The following NDUFAF2 variants were observed in gnomAD, a reference collection of about 807,000 sequenced individuals.
NDUFAF2 encodes the protein NADH:ubiquinone oxidoreductase complex assembly factor 2, also known as NADH dehydrogenase [ubiquinone] 1 alpha subcomplex assembly factor 2.
Under a neutral mutation model 22.8 loss-of-function variants are expected in NDUFAF2, and 13 were observed. That is an observed-to-expected ratio of 0.57 (90% confidence interval 0.37 to 0.91). The LOEUF is 0.91. NDUFAF2 is among the 40% of genes least tolerant of loss of function. The probability of loss-of-function intolerance (pLI) is 0.01; values close to 1 mark genes in which losing one functional copy is unlikely to be tolerated. For missense variants in NDUFAF2, 162 were observed against 195.2 expected, an observed-to-expected ratio of 0.83 and a Z score of 1.01; for synonymous variants, 53 against 64.2, an observed-to-expected ratio of 0.83 and a Z score of 0.84.
At chr5:61,067,820 T>A (rs1475555347) in intron 1 of NDUFAF2, among the ~76,000 whole-genome samples, 1 of 152,216 alleles carries the variant, frequency 6.6e-6, no homozygotes, top group East Asian at 1.9e-4. Flanking sequence ...CTCCAGCACC[T>A]GTTGTTTCCT....
At chr5:61,024,200 A>G (rs1457429841) in intron 1 of NDUFAF2, among the ~76,000 whole-genome samples, 1 of 151,946 alleles carries the variant, frequency 6.6e-6, no homozygotes, top group African/African-American at 2.4e-5. Context: ...ATTTCTTTCT[A>G]TTTTAAGGAT....
At chr5:61,127,035 G>C (rs1043065424) in intron 3 of NDUFAF2, among the ~76,000 whole-genome samples, 3 of 152,132 alleles carry the variant, frequency 2.0e-5, no homozygotes, top group Non-Finnish European at 4.4e-5. Flanking sequence ...AGAAAATCTA[G>C]AAGAAATGGA....
chr5:61,104,243 A>C (rs1752734660), intron 3 of NDUFAF2, among the ~76,000 whole-genome samples: 1 of 152,128 alleles, frequency 6.6e-6, no homozygotes, highest in African/African-American at 2.4e-5. Flanking sequence ...TCCTAGTCCT[A>C]ACTCTATTCC....
At chr5:60,987,741 T>C (rs1410487409) in intron 1 of NDUFAF2, among the ~76,000 whole-genome samples, 1 of 152,196 alleles carries the variant, frequency 6.6e-6, no homozygotes, top group Non-Finnish European at 1.5e-5. Context: ...CATCCTTTCA[T>C]GTTAAAAACT....
At chr5:61,129,876 T>A (rs529292306) in intron 3 of NDUFAF2, among the ~76,000 whole-genome samples, 1 of 152,182 alleles carries the variant, frequency 6.6e-6, no homozygotes, top group Non-Finnish European at 1.5e-5. Context: ...AACCCAGCTT[T>A]TTGTTCAACC....
At chr5:61,006,649 G>A (rs1751370494) in intron 1 of NDUFAF2, among the ~76,000 whole-genome samples, 2 of 152,032 alleles carry the variant, frequency 1.3e-5, no homozygotes. Flanking sequence ...CCTTGAAGAG[G>A]TCCTTCACAT....
At chr5:60,952,275 A>G (rs1382728285) in intron 1 of NDUFAF2, among the ~76,000 whole-genome samples, 1 of 151,630 alleles carries the variant, frequency 6.6e-6, no homozygotes, top group Non-Finnish European at 1.5e-5. Context: ...ATGTTCTTCT[A>G]GTTTCTTAAG....
At chr5:61,109,301 T>G (rs903497618) in intron 3 of NDUFAF2, among the ~76,000 whole-genome samples, 4 of 152,196 alleles carry the variant, frequency 2.6e-5, no homozygotes, top group African/African-American at 9.6e-5. Flanking sequence ...GTTGATTTTG[T>G]GTACTGCAAC....
At chr5:61,035,267 T>C (rs1210461839) in intron 1 of NDUFAF2, among the ~76,000 whole-genome samples, 2 of 151,784 alleles carry the variant, frequency 1.3e-5, no homozygotes, top group African/African-American at 4.8e-5. Flanking sequence ...GGGTTCACCA[T>C]GTTGGCCAGG....
chr5:61,011,783 T>C (rs2112598062), intron 1 of NDUFAF2, among the ~76,000 whole-genome samples: 1 of 152,246 alleles, frequency 6.6e-6, no homozygotes, highest in South Asian at 2.1e-4. Flanking sequence ...GTGAGGGCTG[T>C]CTTACTCATC....
chr5:61,127,001 T>C (rs938478489), intron 3 of NDUFAF2, among the ~76,000 whole-genome samples: 1 of 152,006 alleles, frequency 6.6e-6, no homozygotes, highest in Non-Finnish European at 1.5e-5. Context: ...GAGAATACTA[T>C]AAACACCTCT....
At position 61,126,104 on chromosome 5, in the gene NDUFAF2, T is replaced by A. The variant is rs531512706; in HGVS notation, c.259-26600T>A. Among the ~76,000 whole-genome samples the A allele has an allele frequency of 2.6e-5, 4 of 152,160 alleles. No individual in the cohort carries two copies. The East Asian group carries it at 7.7e-4, about 29-fold the overall frequency. On this transcript the variant is annotated intron_variant, in intron 3 of 3. Coordinates refer to ENST00000296597, the MANE Select transcript of NDUFAF2 (RefSeq NM_174889.5). Reference sequence around the variant, plus strand: ...TTGCTTAACTTGATTTCTTTTTTATTTAAAAAAATATGTTTTTCTTTCATT... The same window carrying A: ...TTGCTTAACTTGATTTCTTTTTTATATAAAAAAATATGTTTTTCTTTCATT...
At chr5:60,985,232 G>A (rs988417562) in intron 1 of NDUFAF2, among the ~76,000 whole-genome samples, 7 of 152,114 alleles carry the variant, frequency 4.6e-5, no homozygotes, top group Admixed American at 1.3e-4. Context: ...TGTGGGATTG[G>A]TGGTGATATC....
At chr5:60,996,209 G>A (rs1057028918) in intron 1 of NDUFAF2, among the ~76,000 whole-genome samples, 2 of 152,008 alleles carry the variant, frequency 1.3e-5, no homozygotes, top group African/African-American at 4.8e-5. Flanking sequence ...GTAGTACCTG[G>A]GTGTTTCTGC....
chr5:61,021,052 T>G (rs1751577488), intron 1 of NDUFAF2, among the ~76,000 whole-genome samples: 1 of 151,658 alleles, frequency 6.6e-6, no homozygotes, highest in Non-Finnish European at 1.5e-5. Flanking sequence ...GGAAACTTGA[T>G]TTGGTGTTAC....
intron 3 of NDUFAF2, among the ~76,000 whole-genome samples, chr5:61,124,697 C>T (rs899409435): frequency 4.1e-4 from 63 of 152,184 alleles, no homozygotes; most frequent in African/African-American, 1.5e-3. Context: ...TACCATATTG[C>T]ACAGTACAAA....
chr5:61,141,324 A>T (rs1178470164), intron 3 of NDUFAF2, among the ~76,000 whole-genome samples: 2 of 152,094 alleles, frequency 1.3e-5, no homozygotes, highest in Non-Finnish European at 1.5e-5. Flanking sequence ...TGATTGCAGA[A>T]TTTATCATAT....
intron 2 of NDUFAF2, among the ~76,000 whole-genome samples, chr5:61,092,529 G>C (rs1752581882): frequency 6.6e-6 from 1 of 152,040 alleles, no homozygotes; most frequent in African/African-American, 2.4e-5. Flanking sequence ...TGGTGTATAG[G>C]AGTGCTAGCA....
chr5:60,955,977 C>T (rs158925), intron 1 of NDUFAF2, among the ~76,000 whole-genome samples: 22,282 of 150,842 alleles, frequency 0.15, 2,117 homozygotes, highest in South Asian at 0.28. Context: ...GGCACTGGCG[C>T]GATCTCAGCT....
Sources: allele counts gnomAD v4.1 joint callset (sites outside exome capture counted in the v4.1 genomes callset), GRCh38; gene constraint gnomAD v4.1.1; transcripts MANE v1.5; gene names NCBI Gene and HGNC (gene_info 2026-07-23, HGNC 2026-07-21).